The following PTPRB variants were observed in gnomAD, a reference collection of about 807,000 sequenced individuals.
PTPRB encodes protein tyrosine phosphatase receptor type B.
A neutral mutation model predicts 238.1 loss-of-function variants in PTPRB; 97 were observed. The ratio of observed to expected loss-of-function variants is 0.41; its 90% CI spans 0.35 to 0.48. PTPRB has a LOEUF of 0.48. Among genes scored for constraint, PTPRB ranks in the 20% least tolerant of loss-of-function variants. PTPRB has a pLI of 0.30. For synonymous variants in PTPRB, 970 were observed against 995.4 expected (o/e 0.97, Z 0.48); for missense variants, 2,292 against 2,681.9 (o/e 0.85, Z 3.21).
At chr12:70,622,923 G>T (rs1478484022) in intron 2 of PTPRB, among the ~76,000 whole-genome samples, 1 of 145,028 alleles carries the variant, frequency 6.9e-6, no homozygotes, top group East Asian at 2.3e-4. Flanking sequence ...GTAGAAAAGA[G>T]AATTAAACCT....
At position 70,521,528 on chromosome 12, in the gene PTPRB, T is replaced by G; in HGVS notation, c.6626-17A>C. The G allele has an allele frequency of 6.5e-7, 1 of 1,533,242 alleles. No individual in the cohort carries two copies. The highest frequency in any genetic ancestry group is 1.3e-5 in the South Asian group (1 of 79,466). 95.0% of individuals were successfully genotyped at this position (1,533,242 alleles called of 1,614,324 possible). On this transcript the variant is annotated splice_polypyrimidine_tract_variant and intron_variant, in intron 33 of 33. Coordinates refer to ENST00000334414, the MANE Select transcript of PTPRB (RefSeq NM_001109754.4). ...AGACTGGATCTGAAAGGAAGAACACTGTAATTAGAGACTGCCGCAGGGTGT... is the reference window on the plus strand; with the variant it reads ...AGACTGGATCTGAAAGGAAGAACACGGTAATTAGAGACTGCCGCAGGGTGT...
rs1871545626 is a variant in PTPRB at position 70,520,503 on chromosome 12, G to C, written c.*986C>G. On this transcript the variant is annotated 3_prime_UTR_variant, in exon 34 of 34. Coordinates refer to ENST00000334414, the MANE Select transcript of PTPRB (RefSeq NM_001109754.4). Reference sequence around the variant, plus strand: ...TTGGCATTAAGCCTTTTAATGAGGGGCACAATCTGCTACCATAATATTCTT... The same window carrying C: ...TTGGCATTAAGCCTTTTAATGAGGGCCACAATCTGCTACCATAATATTCTT... 1 of 204,154 alleles carries C rather than the reference G, an allele frequency of 4.9e-6. No homozygotes were observed. Among genetic ancestry groups the C allele is most frequent in the Non-Finnish European group, 1.0e-5 (1 of 99,118 alleles). 12.6% of individuals were successfully genotyped at this position (204,154 alleles called of 1,614,324 possible). A position where few individuals can be genotyped will look rare whatever the true frequency, so the allele number is the denominator to read the frequency against.
chr12:70,633,858 G>T (rs1885566603), intron 2 of PTPRB, among the ~76,000 whole-genome samples: 1 of 151,930 alleles, frequency 6.6e-6, no homozygotes, highest in Non-Finnish European at 1.5e-5. Context: ...TTCCAACTAA[G>T]TAATCTTATG....
intron 4 of PTPRB, among the ~76,000 whole-genome samples, chr12:70,597,183 A>G (rs1011462699): frequency 1.3e-5 from 2 of 152,042 alleles, no homozygotes; most frequent in African/African-American, 4.8e-5. Flanking sequence ...CAGCTTCCCA[A>G]GGTGCTGGGA....
In PTPRB at chr12:70,555,899, A is replaced by G. The variant is rs367963460; in HGVS notation, c.4964T>C (p.Val1655Ala). 1 of 1,613,102 alleles carries G rather than the reference A, an allele frequency of 6.2e-7. No individual in the cohort carries two copies. Among genetic ancestry groups the G allele is most frequent in the East Asian group, 2.2e-5 (1 of 44,872 alleles). ...VQSAGMTSEV[V>A]EDSTITMIDR... ...TATCATTGTGATAGTGCTGTCTTCA[A>G]CCACCTCGCTGGTCATGCCGGCCGA... The change falls in exon 19 of 34, where the codon GTT becomes GCT. Residue 1655 changes from valine (V) to alanine (A), a missense_variant. By Grantham distance (64) the Val-to-Ala change is moderately conservative. Transcript: ENST00000334414.
intron 28 of PTPRB, among the ~76,000 whole-genome samples, chr12:70,537,486 G>C (rs1874349567): frequency 6.6e-6 from 1 of 152,074 alleles, no homozygotes; most frequent in Non-Finnish European, 1.5e-5. Context: ...TTAGGGTCAG[G>C]ATTCCATCTT....
intron 18 of PTPRB, among the ~76,000 whole-genome samples, chr12:70,557,357 A>G (rs1455000090): frequency 6.6e-6 from 1 of 152,240 alleles, no homozygotes; most frequent in Non-Finnish European, 1.5e-5. Context: ...CCATAGCCTC[A>G]CCCGATCCTA....
At chr12:70,582,829 A>G (rs1182956083) in intron 9 of PTPRB, among the ~76,000 whole-genome samples, 4 of 152,180 alleles carry the variant, frequency 2.6e-5, no homozygotes, top group Admixed American at 2.6e-4. Context: ...ACCGACAGAA[A>G]ACATTTTGAC....
intron 31 of PTPRB, 112 bp from the exon 32 acceptor site, chr12:70,532,282 A>G: frequency 7.7e-7 from 1 of 1,300,828 alleles, no homozygotes; most frequent in South Asian, 1.6e-5. Context: ...ATGGGAGAAG[A>G]TAGGAATATT....
At chr12:70,541,494 C>T (rs1875106844) in intron 22 of PTPRB, 1 of 152,350 alleles carries the variant, frequency 6.6e-6, no homozygotes, top group African/African-American at 2.4e-5. Context: ...GCAACTCACC[C>T]ATCTAAGTTG....
chr12:70,555,111 G>T, intron 20 of PTPRB, 49 bp downstream of exon 20: 1 of 1,582,154 alleles, frequency 6.3e-7, no homozygotes, highest in South Asian at 1.2e-5. Context: ...CATGACCTCT[G>T]AGGAAGCAAT....
chr12:70,631,653 T>A (rs901224594), intron 2 of PTPRB, among the ~76,000 whole-genome samples: 5 of 152,052 alleles, frequency 3.3e-5, no homozygotes, highest in Non-Finnish European at 7.4e-5. Context: ...ACCTACAGAA[T>A]GGGAGAAAAT....
At chr12:70,527,490 T>G (rs970333532) in intron 32 of PTPRB, among the ~76,000 whole-genome samples, 2 of 146,316 alleles carry the variant, frequency 1.4e-5, no homozygotes, top group Non-Finnish European at 3.0e-5. Flanking sequence ...TCCTACAACA[T>G]CTCAGTGTTT....
Position 70,532,248 on chromosome 12 carries a change from A to AATCT in PTPRB, c.6369-82_6369-79dup, listed in dbSNP as rs112516834. On this transcript the variant is annotated intron_variant, in intron 31 of 33. Coordinates refer to ENST00000334414, the MANE Select transcript of PTPRB (RefSeq NM_001109754.4). ...AGATTGCATCTAGAGACTCTGGCAC[A>AATCT]ATCTTTTTTTTCCCTTCCCAGTTAT... The AATCT allele has an allele frequency of 9.6e-3, 13,830 of 1,446,476 alleles. 1,146 individuals carry two copies. The African/African-American group carries it at 0.18, about 19-fold the overall frequency. The allele number at this position is 1,446,476 out of a possible 1,614,324, so 89.6% of individuals were successfully genotyped here.
chr12:70,620,752 A>C (rs1884893486), intron 3 of PTPRB, among the ~76,000 whole-genome samples: 1 of 152,214 alleles, frequency 6.6e-6, no homozygotes, highest in Non-Finnish European at 1.5e-5. Context: ...AAGAGAACTA[A>C]GTCAGACATA....
At chr12:70,582,792 C>G (rs1360684592) in intron 9 of PTPRB, among the ~76,000 whole-genome samples, 2 of 151,968 alleles carry the variant, frequency 1.3e-5, no homozygotes, top group Non-Finnish European at 2.9e-5. Context: ...AAGAAAAAAA[C>G]TGATAAATTG....
At chr12:70,539,529 C>T in intron 26 of PTPRB, 96 bp downstream of exon 26, 1 of 995,672 alleles carries the variant, frequency 1.0e-6, no homozygotes, top group South Asian at 1.5e-5. Flanking sequence ...CTCCTAACTT[C>T]TGAGCTCAAT....
chr12:70,610,322 C>T (rs1030265559), intron 3 of PTPRB, among the ~76,000 whole-genome samples: 81 of 152,240 alleles, frequency 5.3e-4, no homozygotes, highest in African/African-American at 1.9e-3. Context: ...TTTCCCCAGT[C>T]TGTGGTTCTC....
chr12:70,571,324 G>T, intron 12 of PTPRB, 35 bp from the exon 13 acceptor site: 1 of 1,532,642 alleles, frequency 6.5e-7, no homozygotes, highest in African/African-American at 1.4e-5. Context: ...TTCAGGAAAG[G>T]AACTGATCAG....
Sources: allele counts gnomAD v4.1 joint callset (sites outside exome capture counted in the v4.1 genomes callset), GRCh38; gene constraint gnomAD v4.1.1; transcripts MANE v1.5; gene names NCBI Gene and HGNC (gene_info 2026-07-23, HGNC 2026-07-21).